The following GJA3 variants were observed in gnomAD, a reference collection of about 807,000 sequenced individuals.
The protein encoded by GJA3 is gap junction protein alpha 3.
For missense variants in GJA3, 571 were observed against 620.3 expected (o/e 0.92, Z 0.84); for synonymous variants, 297 against 292.6 (o/e 1.02, Z -0.15).
chr13:20,146,403 A>G (rs1958843122), intron 1 of GJA3, among the ~76,000 whole-genome samples: 1 of 152,228 alleles, frequency 6.6e-6, no homozygotes, highest in South Asian at 2.1e-4. Context: ...TACTTATTCA[A>G]CTGGTAAACC....
chr13:20,156,241 T>C (rs1958906145), intron 1 of GJA3, among the ~76,000 whole-genome samples: 1 of 150,056 alleles, frequency 6.7e-6, no homozygotes, highest in South Asian at 2.1e-4. Flanking sequence ...TTTTCATCTC[T>C]AGTCAAAGGG....
chr13:20,148,253 CTTTTTTTT>C (rs71074204), intron 1 of GJA3, among the ~76,000 whole-genome samples: 1 of 90,726 alleles, frequency 1.1e-5, no homozygotes, highest in African/African-American at 4.0e-5. Flanking sequence ...TACTATGGTT[CTTTTTTTT>C]TTTTTTTTTT....
At position 20,141,957 on chromosome 13, in the gene GJA3, T is replaced by C. The variant is rs1176746961; in HGVS notation, c.*24A>G. 2 of 1,549,942 alleles carry C rather than the reference T, an allele frequency of 1.3e-6. No individual in the cohort carries two copies. The highest frequency in any genetic ancestry group is 2.4e-5 in the South Asian group (2 of 84,010). ...TCTAAGAAAAAGATCACTACACAGC[T>C]GTCTGGAGGCAGGCACCCGGGCACT... On this transcript the variant is annotated 3_prime_UTR_variant, in exon 2 of 2. Coordinates refer to ENST00000241125, the MANE Select transcript of GJA3 (RefSeq NM_021954.4).
Position 20,142,406 on chromosome 13 carries a change from C to A in GJA3, c.883G>T (p.Ala295Ser). 6.7e-7 allele frequency: 1 copy of A among 1,500,722 alleles called. No individual in the cohort carries two copies. Among genetic ancestry groups the A allele is most frequent in the Non-Finnish European group, 8.9e-7 (1 of 1,125,238 alleles). The allele number at this position is 1,500,722 out of a possible 1,614,324, so 93.0% of individuals were successfully genotyped here. ...GTCAGGGCTAGCAGTTTGAAGTCCG[C>A]GGCTGGTGGCGGGGCCCCGGGGTAG... ...VGYPGAPPPA[A>S]DFKLLALTEA... The change falls in exon 2 of 2, where the codon GCG becomes TCG. Residue 295 changes from alanine to serine, a missense_variant. Transcript: ENST00000241125.
At chr13:20,155,175 T>C (rs1958900570) in intron 1 of GJA3, among the ~76,000 whole-genome samples, 2 of 152,218 alleles carry the variant, frequency 1.3e-5, no homozygotes, top group South Asian at 2.1e-4. Context: ...TTATTTTTAA[T>C]ATCCTAGCAC....
intron 1 of GJA3, among the ~76,000 whole-genome samples, chr13:20,152,935 C>T (rs866182081): frequency 6.6e-6 from 1 of 152,096 alleles, no homozygotes; most frequent in Non-Finnish European, 1.5e-5. Context: ...CACATTTCTA[C>T]GAGGGCATGG....
chr13:20,158,773 G>A (rs776383091), intron 1 of GJA3, among the ~76,000 whole-genome samples: 120 of 151,888 alleles, frequency 7.9e-4, no homozygotes, highest in Non-Finnish European at 1.5e-3. Flanking sequence ...TTAGCCAGGC[G>A]TGGTGGCGCA....
In GJA3 at chr13:20,139,067, A is replaced by C. The variant is rs1958792386; in HGVS notation, c.*2914T>G. 1 of 152,196 alleles carries C rather than the reference A, an allele frequency of 6.6e-6. No homozygotes were observed. The highest frequency in any genetic ancestry group is 1.5e-5 in the Non-Finnish European group (1 of 68,008). 9.4% of individuals were successfully genotyped at this position (152,196 alleles called of 1,614,324 possible). A position where few individuals can be genotyped will look rare whatever the true frequency, so the allele number is the denominator to read the frequency against. ...TTTTCTTTTGTAAATTTAAGGATTT[A>C]TTCGTGTCAATTTTATTAAAAAATA... On this transcript the variant is annotated 3_prime_UTR_variant, in exon 2 of 2. Transcript: ENST00000241125.
chr13:20,146,287 A>G (rs929920512), intron 1 of GJA3, among the ~76,000 whole-genome samples: 2 of 152,202 alleles, frequency 1.3e-5, no homozygotes, highest in Non-Finnish European at 2.9e-5. Flanking sequence ...CTGTGGGGCC[A>G]GTGGAGGCAA....
At chr13:20,146,513 C>T (rs1488900843) in intron 1 of GJA3, among the ~76,000 whole-genome samples, 15 of 152,208 alleles carry the variant, frequency 9.9e-5, no homozygotes, top group Non-Finnish European at 1.5e-4. Context: ...CTTGGAAGAG[C>T]CTTGCGACCT....
chr13:20,155,107 C>T (rs905380441), intron 1 of GJA3, among the ~76,000 whole-genome samples: 4 of 152,174 alleles, frequency 2.6e-5, no homozygotes, highest in Admixed American at 6.5e-5. Flanking sequence ...CATCCTCCTG[C>T]CTCAGACTCC....
Position 20,143,073 on chromosome 13 carries a change from G to A in GJA3, c.216C>T (p.Ile72=). The A allele has an allele frequency of 6.2e-7, 1 of 1,613,974 alleles. No homozygotes were observed. The change falls in exon 2 of 2, where the codon ATC becomes ATT. Residue 72 remains isoleucine, a synonymous_variant. Transcript: ENST00000241125. ...ENVCYDRAFP[I]SHIRFWALQI... The stretch of plus-strand genomic sequence containing the variant: ...GCAGCGCCCAGAAGCGGATGTGGGA[G>A]ATGGGGAAGGCCCTGTCGTAGCAGA...
chr13:20,157,936 T>C (rs535299658), intron 1 of GJA3, among the ~76,000 whole-genome samples: 286 of 152,098 alleles, frequency 1.9e-3, no homozygotes, highest in Middle Eastern at 3.4e-3. Flanking sequence ...TGGGCTCAAA[T>C]GATCCTCCTG....
intron 1 of GJA3, among the ~76,000 whole-genome samples, chr13:20,159,922 G>A (rs1252475238): frequency 6.6e-6 from 1 of 152,214 alleles, no homozygotes; most frequent in Non-Finnish European, 1.5e-5. Flanking sequence ...TGGACCGCCA[G>A]TGAAGTGATG....
chr13:20,145,503 G>A (rs1270394939), intron 1 of GJA3, among the ~76,000 whole-genome samples: 1 of 152,186 alleles, frequency 6.6e-6, no homozygotes, highest in Non-Finnish European at 1.5e-5. Context: ...ACAATTTGGG[G>A]TCACTTCCTG....
chr13:20,151,447 G>A (rs1430328798), intron 1 of GJA3, among the ~76,000 whole-genome samples: 2 of 152,154 alleles, frequency 1.3e-5, no homozygotes, highest in African/African-American at 2.4e-5. Context: ...ACAAAACACA[G>A]GGTCTCCTGT....
intron 1 of GJA3, among the ~76,000 whole-genome samples, chr13:20,158,043 G>C (rs376820759): frequency 6.6e-6 from 1 of 151,880 alleles, no homozygotes; most frequent in African/African-American, 2.4e-5. Flanking sequence ...TCACTATATT[G>C]CCTGGGCTGG....
At position 20,143,017 on chromosome 13, in the gene GJA3, A is replaced by G; in HGVS notation, c.272T>C (p.Ile91Thr). The change falls in exon 2 of 2, where the codon ATC becomes ACC. Residue 91 changes from isoleucine to threonine, a missense_variant. Transcript: ENST00000241125. ...QIIFVSTPTL[I>T]YLGHVLHIVR... ...GATGTGCAGCACGTGGCCCAGGTAG[A>G]TGAGGGTGGGCGTGGACACGAAGAT... 2 of 1,611,012 alleles carry G rather than the reference A, an allele frequency of 1.2e-6. No homozygotes were observed. Among genetic ancestry groups the G allele is most frequent in the East Asian group, 2.2e-5 (1 of 44,774 alleles).
intron 1 of GJA3, among the ~76,000 whole-genome samples, chr13:20,148,742 T>C (rs1958858857): frequency 6.6e-6 from 1 of 152,242 alleles, no homozygotes; most frequent in African/African-American, 2.4e-5. Context: ...TGAGTACCGC[T>C]GGGCAGAGGA....
Sources: allele counts gnomAD v4.1 joint callset (sites outside exome capture counted in the v4.1 genomes callset), GRCh38; gene constraint gnomAD v4.1.1; transcripts MANE v1.5; gene names NCBI Gene and HGNC (gene_info 2026-07-23, HGNC 2026-07-21).